PLA2G12A: variants seen among roughly 807,000 people sequenced by gnomAD.
PLA2G12A encodes the protein phospholipase A2 group XIIA, also known as group XIIA secretory phospholipase A2.
In PLA2G12A, 11 loss-of-function variants were observed where a neutral mutation model predicts 16.0. The ratio of observed to expected loss-of-function variants is 0.69; its 90% CI spans 0.43 to 1.13. The LOEUF (loss-of-function observed/expected upper bound fraction) is 1.13. Among genes scored for constraint, PLA2G12A ranks in the 50% most tolerant of loss-of-function variants. The pLI is 0.00. For missense variants in PLA2G12A, 214 were observed against 237.3 expected (o/e 0.90, Z 0.65); for synonymous variants, 77 against 93.8 (o/e 0.82, Z 1.03).
chr4:109,725,413 T>A (rs1037997798), intron 1 of PLA2G12A, among the ~76,000 whole-genome samples: 2 of 152,260 alleles, frequency 1.3e-5, no homozygotes, highest in African/African-American at 4.8e-5. Flanking sequence ...GTTATAGTTT[T>A]ATAAATGGCT....
chr4:109,719,736 T>C (rs1448933861), intron 1 of PLA2G12A, among the ~76,000 whole-genome samples: 1 of 152,172 alleles, frequency 6.6e-6, no homozygotes, highest in Non-Finnish European at 1.5e-5. Flanking sequence ...TATTAAGTGC[T>C]CAATAACACT....
intron 1 of PLA2G12A, among the ~76,000 whole-genome samples, chr4:109,719,173 T>C (rs1730876955): frequency 1.3e-5 from 2 of 152,192 alleles, no homozygotes; most frequent in African/African-American, 4.8e-5. Context: ...TAAGACAGTA[T>C]CTTCCCAACT....
chr4:109,726,578 T>TTGAAGACGTG (rs1722943365), intron 1 of PLA2G12A, among the ~76,000 whole-genome samples: 1 of 152,196 alleles, frequency 6.6e-6, no homozygotes, highest in Non-Finnish European at 1.5e-5. Flanking sequence ...TGACCCCTTC[T>TTGAAGACGTG]GTTCTCAGCA....
In PLA2G12A at chr4:109,711,128, C is replaced by G. The variant is rs1218694111; in HGVS notation, c.*3249G>C. The G allele has an allele frequency of 8.2e-6, 1 of 122,436 alleles. No individual in the cohort carries two copies. Among genetic ancestry groups the G allele is most frequent in the Admixed American group, 1.0e-4 (1 of 9,622 alleles). 7.6% of individuals were successfully genotyped at this position (122,436 alleles called of 1,614,324 possible). A position where few individuals can be genotyped will look rare whatever the true frequency, so the allele number is the denominator to read the frequency against. ...ATAGGGAAAATATCAACTTTAAAAT[C>G]TAAACATATGCCACAAAATTTTGGG... On this transcript the variant is annotated 3_prime_UTR_variant, in exon 4 of 4. Coordinates refer to ENST00000243501, the MANE Select transcript of PLA2G12A (RefSeq NM_030821.5).
Position 109,729,604 on chromosome 4 carries a change from T to C in PLA2G12A, c.206A>G (p.Asp69Gly), listed in dbSNP as rs372389211. 4 of 1,607,024 alleles carry C rather than the reference T, an allele frequency of 2.5e-6. No homozygotes were observed. Among genetic ancestry groups the C allele is most frequent in the Non-Finnish European group, 3.4e-6 (4 of 1,175,868 alleles). Reference protein sequence around the residue: ...EDGLCQYKCSDGSKPFPRYGY... With the variant: ...EDGLCQYKCSGGSKPFPRYGY... ...GCTGGGCCCGGGTGCCCCCTCACCGTCACTGCATTTATACTGGCAGAGACC... is the reference window on the plus strand; with the variant it reads ...GCTGGGCCCGGGTGCCCCCTCACCGCCACTGCATTTATACTGGCAGAGACC... The change falls in exon 1 of 4, where the codon GAC becomes GGC. Residue 69 changes from aspartate (D) to glycine (G), a missense_variant and splice_region_variant. Asp to Gly is a moderately conservative substitution (Grantham distance 94). Transcript: ENST00000243501.
intron 1 of PLA2G12A, among the ~76,000 whole-genome samples, chr4:109,724,213 C>A (rs1026727144): frequency 6.6e-6 from 1 of 152,190 alleles, no homozygotes; most frequent in Non-Finnish European, 1.5e-5. Flanking sequence ...GCAACCTCTG[C>A]CTCCTGGGTT....
chr4:109,715,585 A>G (rs1730815694), intron 3 of PLA2G12A, among the ~76,000 whole-genome samples: 1 of 152,028 alleles, frequency 6.6e-6, no homozygotes, highest in Non-Finnish European at 1.5e-5. Flanking sequence ...TCCTGGGTTC[A>G]AGTGATTCTT....
At chr4:109,718,006 A>C (rs1197934872) in intron 2 of PLA2G12A, among the ~76,000 whole-genome samples, 2 of 152,198 alleles carry the variant, frequency 1.3e-5, no homozygotes, top group Admixed American at 1.3e-4. Context: ...ACAAAACATA[A>C]GTTTTAAAAA....
Position 109,730,041 on chromosome 4 carries a change from C to T in PLA2G12A, c.-232G>A, listed in dbSNP as rs1475534572. On this transcript the variant is annotated 5_prime_UTR_variant, in exon 1 of 4. Transcript: ENST00000243501. Reference sequence around the variant, plus strand: ...CCGCTCACCTGGACCAGCGCGCCCGCTCACCTGGGCCAGCAACCGTCCCCT... The same window carrying T: ...CCGCTCACCTGGACCAGCGCGCCCGTTCACCTGGGCCAGCAACCGTCCCCT... The T allele has an allele frequency of 4.3e-6, 2 of 460,584 alleles. No individual in the cohort carries two copies. Among genetic ancestry groups the T allele is most frequent in the Non-Finnish European group, 7.6e-6 (2 of 263,352 alleles). 28.5% of individuals were successfully genotyped at this position (460,584 alleles called of 1,614,324 possible).
At chr4:109,722,763 C>G (rs1722833782) in intron 1 of PLA2G12A, among the ~76,000 whole-genome samples, 1 of 152,228 alleles carries the variant, frequency 6.6e-6, no homozygotes. Flanking sequence ...GACCTTCTAA[C>G]ATACTATATC....
intron 1 of PLA2G12A, among the ~76,000 whole-genome samples, chr4:109,721,665 T>C (rs969643213): frequency 3.3e-5 from 5 of 152,102 alleles, no homozygotes; most frequent in African/African-American, 1.2e-4. Context: ...GGCTTCCTAC[T>C]TACAAGGGCC....
At chr4:109,714,746 T>G (rs1206916200) in intron 3 of PLA2G12A, among the ~76,000 whole-genome samples, 1 of 150,704 alleles carries the variant, frequency 6.6e-6, no homozygotes, top group African/African-American at 2.4e-5. Context: ...TTTTTTTTTT[T>G]TTTTTTGAGA....
chr4:109,724,337 C>T (rs1722878629), intron 1 of PLA2G12A, among the ~76,000 whole-genome samples: 2 of 152,054 alleles, frequency 1.3e-5, no homozygotes, highest in African/African-American at 4.8e-5. Flanking sequence ...GTTGGTCAGG[C>T]TGGTCTTGAA....
intron 2 of PLA2G12A, among the ~76,000 whole-genome samples, chr4:109,718,378 A>C (rs1730864309): frequency 6.6e-6 from 1 of 152,204 alleles, no homozygotes; most frequent in Non-Finnish European, 1.5e-5. Context: ...TAATGTCGAA[A>C]ACATGATTTA....
intron 1 of PLA2G12A, among the ~76,000 whole-genome samples, chr4:109,724,876 C>A (rs774984892): frequency 6.6e-6 from 1 of 152,114 alleles, no homozygotes; most frequent in Non-Finnish European, 1.5e-5. Context: ...ACATGAAAAA[C>A]TGGATAATAA....
intron 2 of PLA2G12A, 124 bp from the exon 3 acceptor site, chr4:109,717,837 T>C (rs537019165): frequency 8.5e-6 from 8 of 938,826 alleles, no homozygotes; most frequent in East Asian, 2.5e-5. Context: ...CCAAAATCCA[T>C]TTCTGCCTAC....
rs886089689 is a variant in PLA2G12A at position 109,710,699 on chromosome 4, T to G, written c.*3678A>C. 4 of 152,252 alleles carry G rather than the reference T, an allele frequency of 2.6e-5. No homozygotes were observed. The highest frequency in any genetic ancestry group is 9.6e-5 in the African/African-American group (4 of 41,462). The allele number at this position is 152,252 out of a possible 1,614,324, so 9.4% of individuals were successfully genotyped here. On this transcript the variant is annotated 3_prime_UTR_variant, in exon 4 of 4. Transcript: ENST00000243501. ...CAAGCTGGTCTCGAACTTCTGACTTTGAGTGATCTGTCCGCCTTGGCCTCC... is the reference window on the plus strand; with the variant it reads ...CAAGCTGGTCTCGAACTTCTGACTTGGAGTGATCTGTCCGCCTTGGCCTCC...
rs1452938724 is a variant in PLA2G12A, at chr4:109,720,586, AAAAAAAAAAAAAAAAAAAATATATATAT to A, written c.209-1855_209-1828del. On this transcript the variant is annotated intron_variant, in intron 1 of 3. Coordinates refer to ENST00000243501, the MANE Select transcript of PLA2G12A (RefSeq NM_030821.5). ...CTCTGTCTGTATTCAAAAAAAAAAA[AAAAAAAAAAAAAAAAAAAATATATATAT>A]ATATATATATATATATATATATATA... Among the ~76,000 whole-genome samples, 12 of 56,170 alleles carry A rather than the reference AAAAAAAAAAAAAAAAAAAATATATATAT, an allele frequency of 2.1e-4. No homozygotes were observed. The East Asian group carries it at 2.6e-3, about 12-fold the overall frequency. 36.8% of individuals were successfully genotyped at this position (56,170 alleles called of 152,430 possible).
chr4:109,717,606 G>A lies in PLA2G12A; in HGVS notation c.393C>T (p.Cys131=). 1 of 1,613,796 alleles carries A rather than the reference G, an allele frequency of 6.2e-7. No individual in the cohort carries two copies. Among genetic ancestry groups the A allele is most frequent in the Non-Finnish European group, 8.5e-7 (1 of 1,179,698 alleles). ...GTACATCTCGGCAGATCTTGGAGAGGCAATACTGGAATTCTTCATCACAGT... is the reference window on the plus strand; with the variant it reads ...GTACATCTCGGCAGATCTTGGAGAGACAATACTGGAATTCTTCATCACAGT... ...KNDCDEEFQY[C]LSKICRDVQK... Residue 131 remains cysteine, a synonymous_variant, in exon 3 of 4, where the codon TGC becomes TGT. Transcript: ENST00000243501.
Sources: allele counts gnomAD v4.1 joint callset (sites outside exome capture counted in the v4.1 genomes callset), GRCh38; gene constraint gnomAD v4.1.1; transcripts MANE v1.5; gene names NCBI Gene and HGNC (gene_info 2026-07-23, HGNC 2026-07-21).